Variants in C12orf42 observed in about 807,000 individuals in gnomAD.
C12orf42 encodes chromosome 12 open reading frame 42, also known as uncharacterized protein C12orf42.
In C12orf42, 25 loss-of-function variants were observed where a neutral mutation model predicts 21.6. The ratio of observed to expected loss-of-function variants is 1.16; its 90% CI spans 0.84 to 1.62. The LOEUF (loss-of-function observed/expected upper bound fraction) is 1.62, where lower values mean the gene tolerates loss of function less well. Among genes scored for constraint, C12orf42 ranks in the 40% most tolerant of loss-of-function variants. The probability of loss-of-function intolerance (pLI) is 0.00; values close to 1 mark genes in which losing one functional copy is unlikely to be tolerated. For missense variants in C12orf42, 483 were observed against 459.3 expected (o/e 1.05, Z -0.47); for synonymous variants, 174 against 175.0 (o/e 0.99, Z 0.05).
At chr12:103,235,677 T>C (rs2136151640), downstream of C12orf42, among the ~76,000 whole-genome samples, 1 of 152,296 alleles carries the variant, frequency 6.6e-6, no homozygotes, top group Non-Finnish European at 1.5e-5. Context: ...ACTTCGTGTC[T>C]GATAGTGTTG....
intron 1 of C12orf42, among the ~76,000 whole-genome samples, chr12:103,487,074 C>T (rs1390597859): frequency 6.6e-6 from 1 of 152,164 alleles, no homozygotes; most frequent in Non-Finnish European, 1.5e-5. Context: ...ATCTTTCCTG[C>T]TTTTCTTGTG....
the C12orf42 span, among the ~76,000 whole-genome samples, chr12:103,052,019 T>G: frequency 6.6e-6 from 1 of 152,364 alleles, no homozygotes; most frequent in East Asian, 1.9e-4. Flanking sequence ...ACATTTAGCA[T>G]GTTGTTTTGT....
the C12orf42 span, among the ~76,000 whole-genome samples, chr12:103,114,715 T>G: frequency 2.6e-5 from 4 of 152,236 alleles, no homozygotes; most frequent in African/African-American, 9.6e-5. Flanking sequence ...GTATTATTAA[T>G]CCATGACAAA....
At chr12:103,111,695 G>A in the C12orf42 span, among the ~76,000 whole-genome samples, 3 of 152,036 alleles carry the variant, frequency 2.0e-5, no homozygotes, top group Admixed American at 6.6e-5. Context: ...TTTGTTATCC[G>A]GTGGTCTCTC....
At chr12:103,091,948 G>GTTCCTA in the C12orf42 span, among the ~76,000 whole-genome samples, 1 of 152,168 alleles carries the variant, frequency 6.6e-6, no homozygotes. Flanking sequence ...AAGGTCTCTG[G>GTTCCTA]CAGGTTGACT....
the C12orf42 span, among the ~76,000 whole-genome samples, chr12:103,125,101 A>G: frequency 6.6e-6 from 1 of 152,220 alleles, no homozygotes; most frequent in African/African-American, 2.4e-5. Context: ...TTTTGTTTAT[A>G]TAAATTTCAT....
At chr12:103,399,903 GA>G (rs2047852374) in intron 3 of C12orf42, among the ~76,000 whole-genome samples, 1 of 151,782 alleles carries the variant, frequency 6.6e-6, no homozygotes, top group South Asian at 2.1e-4. Context: ...TGTTATATAT[GA>G]TATATGTTTC....
downstream of C12orf42, among the ~76,000 whole-genome samples, chr12:103,300,186 G>A (rs773101659): frequency 5.3e-5 from 8 of 152,140 alleles, no homozygotes; most frequent in Admixed American, 2.6e-4. Flanking sequence ...TCAAAAACAC[G>A]TATGTGTTTA....
At chr12:103,446,872 C>G (rs755885521) in intron 2 of C12orf42, among the ~76,000 whole-genome samples, 2 of 151,916 alleles carry the variant, frequency 1.3e-5, no homozygotes, top group African/African-American at 4.8e-5. Flanking sequence ...ACAATTACTA[C>G]TAGGCCTAAG....
At chr12:103,361,203 G>A (rs116974139) in intron 4 of C12orf42, among the ~76,000 whole-genome samples, 23 of 152,204 alleles carry the variant, frequency 1.5e-4, no homozygotes, top group East Asian at 7.7e-4. Context: ...TACTGTGAGC[G>A]CCCAAGTTGT....
At chr12:103,302,680 GA>G (rs77313816) in intron 5 of C12orf42, 121 bp from the exon 6 acceptor site, 33,626 of 435,198 alleles carry the variant, frequency 0.077, 22 homozygotes, top group Non-Finnish European at 0.087. Context: ...AGAGGGGAAA[GA>G]AAAAAAAAAA....
At chr12:103,546,121 A>G in the C12orf42 span, among the ~76,000 whole-genome samples, 1 of 152,218 alleles carries the variant, frequency 6.6e-6, no homozygotes, top group Admixed American at 6.5e-5. Flanking sequence ...AGTCGCCTTG[A>G]GGAGATGGGG....
chr12:103,260,412 G>A (rs1484059641), intron 10 of C12orf42, among the ~76,000 whole-genome samples: 1 of 152,108 alleles, frequency 6.6e-6, no homozygotes, highest in Non-Finnish European at 1.5e-5. Flanking sequence ...GACTTGCCCA[G>A]GCAACAAGAT....
chr12:103,354,273 G>A (rs908387106), intron 4 of C12orf42, among the ~76,000 whole-genome samples: 1 of 152,118 alleles, frequency 6.6e-6, no homozygotes, highest in Non-Finnish European at 1.5e-5. Flanking sequence ...AACATGAGAA[G>A]CACATGCCTT....
intron 1 of C12orf42, among the ~76,000 whole-genome samples, chr12:103,487,588 C>T (rs555512341): frequency 6.6e-6 from 1 of 152,176 alleles, no homozygotes; most frequent in Non-Finnish European, 1.5e-5. Flanking sequence ...GTGTGGGAGT[C>T]TAAGTCTCTT....
the C12orf42 span, among the ~76,000 whole-genome samples, chr12:103,215,221 T>G: frequency 6.6e-6 from 1 of 152,084 alleles, no homozygotes; most frequent in Non-Finnish European, 1.5e-5. Context: ...AACACTTTAT[T>G]ATATTAATAC....
chr12:103,063,354 G>A, the C12orf42 span, among the ~76,000 whole-genome samples: 28 of 152,306 alleles, frequency 1.8e-4, no homozygotes, highest in Middle Eastern at 3.4e-3. Flanking sequence ...AAAGGTGCAT[G>A]CACACCCTCA....
the C12orf42 span, among the ~76,000 whole-genome samples, chr12:103,147,590 G>T: frequency 1.8e-5 from 2 of 110,578 alleles, no homozygotes; most frequent in Non-Finnish European, 3.5e-5. Context: ...AATTGAATGT[G>T]ACCCACAGTA....
Position 103,462,107 on chromosome 12 carries a change from T to TTTTTTTTTTTTTG in C12orf42, c.78+16241_78+16242insCAAAAAAAAAAAA, listed in dbSNP as rs1467879803. On this transcript the variant is annotated intron_variant, in intron 2 of 5. Coordinates refer to ENST00000548883, the MANE Select transcript of C12orf42 (RefSeq NM_198521.5). ...TTGTTTTTTGCTTGGTTTTTTTTTTTTTTTTTTTTTTTTTTTTGAGACAGA... is the reference window on the plus strand; with the variant it reads ...TTGTTTTTTGCTTGGTTTTTTTTTTTTTTTTTTTTTTTGTTTTTTTTTTTTTTTTTGAGACAGA... Among the ~76,000 whole-genome samples, 4 of 87,190 alleles carry TTTTTTTTTTTTTG rather than the reference T, an allele frequency of 4.6e-5. 1 individual carries two copies. Among genetic ancestry groups the TTTTTTTTTTTTTG allele is most frequent in the Non-Finnish European group, 2.3e-5 (1 of 42,680 alleles). 57.2% of individuals were successfully genotyped at this position (87,190 alleles called of 152,430 possible).
Sources: gnomAD v4.1 joint callset for allele counts (sites outside exome capture counted in the v4.1 genomes callset) on GRCh38, gnomAD v4.1.1 for gene constraint, MANE v1.5 for transcripts, NCBI Gene and HGNC (gene_info 2026-07-23, HGNC 2026-07-21) for gene names.